SYNPR: variants seen among roughly 807,000 people sequenced by gnomAD.
SYNPR encodes the protein synaptoporin.
In SYNPR, 23 loss-of-function variants were observed where a neutral mutation model predicts 32.9. The observed-to-expected ratio is 0.70, with a 90% CI of 0.50 to 0.99. The LOEUF (loss-of-function observed/expected upper bound fraction) is 0.99. Among genes scored for constraint, SYNPR ranks in the 50% least tolerant of loss-of-function variants. The pLI, the probability that SYNPR is intolerant of heterozygous loss-of-function variation, is 0.00. For missense variants in SYNPR, 318 were observed against 349.3 expected (o/e 0.91, Z 0.71); for synonymous variants, 146 against 135.9 (o/e 1.07, Z -0.52).
At chr3:63,589,138 T>C (rs1238954784) in intron 4 of SYNPR, among the ~76,000 whole-genome samples, 2 of 152,054 alleles carry the variant, frequency 1.3e-5, no homozygotes, top group Non-Finnish European at 2.9e-5. Context: ...TTGTGTTGTA[T>C]TCATTATTCA....
chr3:63,605,884 G>A (rs532431839), intron 4 of SYNPR, among the ~76,000 whole-genome samples: 6 of 152,198 alleles, frequency 3.9e-5, no homozygotes, highest in Non-Finnish European at 7.3e-5. Context: ...GTGATCACAG[G>A]TCCCTGCTAT....
chr3:63,332,062 C>A, intron 2 of SYNPR, among the ~76,000 whole-genome samples: 1 of 152,156 alleles, frequency 6.6e-6, no homozygotes, highest in Admixed American at 6.5e-5. Context: ...ATGTTCCTTT[C>A]AAAACATGCT....
intron 2 of SYNPR, among the ~76,000 whole-genome samples, chr3:63,400,362 A>G (rs1248342022): frequency 1.3e-5 from 2 of 152,244 alleles, no homozygotes; most frequent in African/African-American, 4.8e-5. Context: ...TTTTTGCATG[A>G]AACTGCAATC....
intron 2 of SYNPR, among the ~76,000 whole-genome samples, chr3:63,304,901 C>G (rs1203332459): frequency 6.6e-6 from 1 of 151,908 alleles, no homozygotes; most frequent in Non-Finnish European, 1.5e-5. Context: ...AGTTGAGGTT[C>G]AAACAGATCT....
At chr3:63,502,468 T>G (rs949996869) in intron 3 of SYNPR, among the ~76,000 whole-genome samples, 5 of 152,148 alleles carry the variant, frequency 3.3e-5, no homozygotes, top group African/African-American at 1.2e-4. Flanking sequence ...TTTGAGTAAA[T>G]GTACAATGAC....
intron 2 of SYNPR, among the ~76,000 whole-genome samples, chr3:63,344,932 G>C (rs2087417337): frequency 1.3e-5 from 2 of 152,284 alleles, no homozygotes; most frequent in South Asian, 4.1e-4. Flanking sequence ...CACCAGACCA[G>C]ATAAGCCAGT....
At chr3:63,331,147 T>C (rs959917484) in intron 2 of SYNPR, among the ~76,000 whole-genome samples, 1 of 152,186 alleles carries the variant, frequency 6.6e-6, no homozygotes. Context: ...TAATTGATCA[T>C]TGCATTATGT....
At chr3:63,396,600 T>C (rs1560216450) in intron 2 of SYNPR, among the ~76,000 whole-genome samples, 1 of 152,044 alleles carries the variant, frequency 6.6e-6, no homozygotes. Context: ...ATCAGGTCTT[T>C]AGTTTGAAAA....
chr3:63,549,764 C>A (rs1702469875), intron 3 of SYNPR, among the ~76,000 whole-genome samples: 1 of 152,104 alleles, frequency 6.6e-6, no homozygotes, highest in Non-Finnish European at 1.5e-5. Flanking sequence ...TCAATATTTT[C>A]TTTAACCCAA....
chr3:63,273,967 C>T (rs1444690968), upstream of SYNPR, among the ~76,000 whole-genome samples: 1 of 152,056 alleles, frequency 6.6e-6, no homozygotes, highest in Non-Finnish European at 1.5e-5. Context: ...TACCAGTGGC[C>T]CTATGCAAGA....
chr3:63,544,509 T>C (rs530680080), intron 3 of SYNPR, among the ~76,000 whole-genome samples: 1 of 152,072 alleles, frequency 6.6e-6, no homozygotes, highest in African/African-American at 2.4e-5. Flanking sequence ...TAATCTGGCA[T>C]ATATATTGAA....
chr3:63,233,617 C>T (rs1356736652), intron 1 of SYNPR, among the ~76,000 whole-genome samples: 4 of 152,194 alleles, frequency 2.6e-5, no homozygotes, highest in African/African-American at 4.8e-5. Flanking sequence ...TATGTCTGCA[C>T]TCAACCTAAG....
chr3:63,315,585 T>C (rs144024912), intron 2 of SYNPR, among the ~76,000 whole-genome samples: 65 of 152,230 alleles, frequency 4.3e-4, no homozygotes, highest in African/African-American at 1.5e-3. Flanking sequence ...TGTACTTTAA[T>C]CTTGTATCTG....
intron 2 of SYNPR, among the ~76,000 whole-genome samples, chr3:63,256,355 C>T (rs2086383459): frequency 6.6e-6 from 1 of 152,180 alleles, no homozygotes; most frequent in Non-Finnish European, 1.5e-5. Context: ...TGGCCGGGTA[C>T]TCCTCTGAGA....
intron 4 of SYNPR, among the ~76,000 whole-genome samples, chr3:63,599,215 G>A (rs530350204): frequency 6.6e-6 from 1 of 152,126 alleles, no homozygotes; most frequent in South Asian, 2.1e-4. Flanking sequence ...ATAATGTTAT[G>A]GTAGCATAAT....
chr3:63,347,816 T>C (rs2107012577), intron 2 of SYNPR, among the ~76,000 whole-genome samples: 1 of 152,232 alleles, frequency 6.6e-6, no homozygotes, highest in South Asian at 2.1e-4. Flanking sequence ...ATTCTTTTTA[T>C]GGCTGAATAG....
rs1559501499 is a variant in SYNPR, at chr3:63,445,717, G to A, written c.85-35115G>A. The A allele has an allele frequency of 7.8e-6, 4 of 514,424 alleles. No individual in the cohort carries two copies. In the East Asian group the frequency reaches 8.9e-5, roughly 11 times the overall value. The allele number at this position is 514,424 out of a possible 1,614,324, so 31.9% of individuals were successfully genotyped here. ...GAAAATGGAGACATAGGACAAGTAT[G>A]TAACTTACTTGAGGAAACACAGTGA... is the stretch of plus-strand genomic sequence containing the variant. On this transcript the variant is annotated intron_variant, in intron 2 of 5. Coordinates refer to ENST00000478300, the MANE Select transcript of SYNPR (RefSeq NM_001130003.2).
intron 2 of SYNPR, among the ~76,000 whole-genome samples, chr3:63,329,142 A>C (rs1166591032): frequency 6.6e-6 from 1 of 152,228 alleles, no homozygotes; most frequent in Non-Finnish European, 1.5e-5. Flanking sequence ...TATTCAGCAA[A>C]CTGCCTCTCA....
intron 2 of SYNPR, among the ~76,000 whole-genome samples, chr3:63,420,829 GA>G (rs954083797): frequency 6.6e-6 from 1 of 152,098 alleles, no homozygotes; most frequent in East Asian, 1.9e-4. Flanking sequence ...AAATCAGTGA[GA>G]AAAAATACAA....
Sources: gnomAD v4.1 joint callset for allele counts (sites outside exome capture counted in the v4.1 genomes callset) on GRCh38, gnomAD v4.1.1 for gene constraint, MANE v1.5 for transcripts, NCBI Gene and HGNC (gene_info 2026-07-23, HGNC 2026-07-21) for gene names.